The following HTR1F variants were observed in gnomAD, a reference collection of about 807,000 sequenced individuals.
The protein encoded by HTR1F is 5-hydroxytryptamine (serotonin) receptor 1F, G protein-coupled.
A neutral mutation model predicts 24.0 loss-of-function variants in HTR1F; 17 were observed. The ratio of observed to expected loss-of-function variants is 0.71; its 90% confidence interval spans 0.48 to 1.06. The LOEUF (loss-of-function observed/expected upper bound fraction) is 1.06. Among genes scored for constraint, HTR1F ranks in the 50% least tolerant of loss-of-function variants. The pLI is 0.00. For missense variants in HTR1F, 391 were observed against 427.8 expected, an observed-to-expected ratio of 0.91 and a Z score of 0.76; for synonymous variants, 186 against 156.8, an observed-to-expected ratio of 1.19 and a Z score of -1.39.
intron 2 of HTR1F, among the ~76,000 whole-genome samples, chr3:87,984,767 AT>A (rs1705626911): frequency 6.6e-6 from 1 of 152,164 alleles, no homozygotes; most frequent in African/African-American, 2.4e-5. Flanking sequence ...CAAAAGAGGT[AT>A]TTTTATAACT....
intron 1 of HTR1F, among the ~76,000 whole-genome samples, chr3:87,810,748 A>C (rs1050892081): frequency 6.6e-6 from 1 of 152,196 alleles, no homozygotes; most frequent in Non-Finnish European, 1.5e-5. Context: ...AATTATTTCA[A>C]TATGAACTCA....
At chr3:87,796,450 A>G (rs1312599504) in intron 1 of HTR1F, among the ~76,000 whole-genome samples, 1 of 152,182 alleles carries the variant, frequency 6.6e-6, no homozygotes, top group East Asian at 1.9e-4. Context: ...GTGAGTCATC[A>G]TTATATAAAT....
At chr3:87,889,343 A>T (rs1012846011) in intron 2 of HTR1F, among the ~76,000 whole-genome samples, 10 of 152,162 alleles carry the variant, frequency 6.6e-5, no homozygotes, top group Admixed American at 6.6e-4. Context: ...TGAATGACTA[A>T]ATTTGCAATA....
At position 87,992,977 on chromosome 3, in the gene HTR1F, C is replaced by T. The variant is rs1309176613; in HGVS notation, c.*1127C>T. ...TATATTTTTGTAATTAGTCACTCTA[C>T]TAGTTCAGTGAGCCAAAGCAATTCC... On this transcript the variant is annotated 3_prime_UTR_variant, in exon 3 of 3. Coordinates refer to ENST00000319595, the MANE Select transcript of HTR1F (RefSeq NM_001322209.2). 6.0e-6 allele frequency: 1 copy of T among 166,766 alleles called. No homozygotes were observed. The highest frequency in any genetic ancestry group is 2.4e-5 in the African/African-American group (1 of 41,394). 10.3% of individuals were successfully genotyped at this position (166,766 alleles called of 1,614,324 possible).
chr3:87,956,920 G>A (rs1425275443), intron 2 of HTR1F, among the ~76,000 whole-genome samples: 3 of 151,228 alleles, frequency 2.0e-5, no homozygotes, highest in Non-Finnish European at 4.5e-5. Context: ...AATGGAGACA[G>A]TGTTATCTTT....
At chr3:87,806,686 A>G (rs759191476) in intron 1 of HTR1F, among the ~76,000 whole-genome samples, 15 of 151,856 alleles carry the variant, frequency 9.9e-5, no homozygotes, top group Non-Finnish European at 1.5e-4. Context: ...TCTGTTGTCT[A>G]TGCTTTTGAA....
intron 2 of HTR1F, among the ~76,000 whole-genome samples, chr3:87,983,709 T>C (rs753562696): frequency 9.9e-5 from 15 of 152,158 alleles, no homozygotes; most frequent in Non-Finnish European, 2.1e-4. Context: ...CCTGATCCAA[T>C]CCTGAATAAA....
intron 2 of HTR1F, among the ~76,000 whole-genome samples, chr3:87,902,867 C>A (rs1195614409): frequency 2.7e-5 from 4 of 150,788 alleles, no homozygotes; most frequent in Non-Finnish European, 5.9e-5. Context: ...TTTGTTCTTG[C>A]AACAGTTTAC....
intron 2 of HTR1F, among the ~76,000 whole-genome samples, chr3:87,948,233 C>T (rs1161765124): frequency 6.6e-6 from 1 of 152,058 alleles, no homozygotes. Context: ...TTCAGAGCAT[C>T]CTAATTAATT....
intron 2 of HTR1F, among the ~76,000 whole-genome samples, chr3:87,929,344 A>T (rs1448444699): frequency 1.3e-5 from 2 of 152,212 alleles, no homozygotes; most frequent in Admixed American, 6.5e-5. Flanking sequence ...ATTGTATACA[A>T]GCACCATACA....
chr3:87,927,354 G>T lies in HTR1F; in HGVS notation c.-42-63354G>T, dbSNP rs573872226. 2.7e-5 allele frequency among the ~76,000 whole-genome samples: 4 copies of T among 145,720 alleles called. No homozygotes were observed. The South Asian group carries it at 8.4e-4, about 31-fold the overall frequency. On this transcript the variant is annotated intron_variant, in intron 2 of 2. Coordinates refer to ENST00000319595, the MANE Select transcript of HTR1F (RefSeq NM_001322209.2). Reference sequence around the variant, plus strand: ...TACAGAAAAATATTTATTCGTCTTAGTTTTAAATGTAAAGATAACTTCTTA... The same window carrying T: ...TACAGAAAAATATTTATTCGTCTTATTTTTAAATGTAAAGATAACTTCTTA...
At chr3:87,968,443 C>T (rs990022098) in intron 2 of HTR1F, among the ~76,000 whole-genome samples, 1 of 152,110 alleles carries the variant, frequency 6.6e-6, no homozygotes, top group Non-Finnish European at 1.5e-5. Flanking sequence ...AAAACCCTGA[C>T]CTCAGGTGAT....
chr3:87,896,923 G>T (rs868075216), intron 2 of HTR1F, among the ~76,000 whole-genome samples: 44 of 152,124 alleles, frequency 2.9e-4, no homozygotes, highest in African/African-American at 1.1e-3. Flanking sequence ...GTCGGTGAGA[G>T]TGTGGAGAAA....
intron 2 of HTR1F, among the ~76,000 whole-genome samples, chr3:87,850,571 A>C (rs979521670): frequency 3.3e-5 from 5 of 151,616 alleles, no homozygotes; most frequent in Non-Finnish European, 7.4e-5. Flanking sequence ...ACAAACCTGC[A>C]CGTTGTGCAC....
At chr3:87,812,052 T>C (rs951241080) in intron 1 of HTR1F, among the ~76,000 whole-genome samples, 1 of 152,210 alleles carries the variant, frequency 6.6e-6, no homozygotes, top group Non-Finnish European at 1.5e-5. Flanking sequence ...TCCCTAGCCA[T>C]GCAGAACTGT....
chr3:87,978,602 T>C (rs1705451369), intron 2 of HTR1F, among the ~76,000 whole-genome samples: 1 of 151,920 alleles, frequency 6.6e-6, no homozygotes, highest in Non-Finnish European at 1.5e-5. Flanking sequence ...AGGCAGGTCA[T>C]CCTGACATTT....
intron 2 of HTR1F, among the ~76,000 whole-genome samples, chr3:87,945,832 G>A (rs116127967): frequency 6.0e-4 from 92 of 152,078 alleles, no homozygotes; most frequent in Middle Eastern, 6.8e-3. Flanking sequence ...GGCTTTAGAG[G>A]TCCCTTCTTG....
At chr3:87,802,787 T>A (rs1300758206) in intron 1 of HTR1F, among the ~76,000 whole-genome samples, 3 of 152,138 alleles carry the variant, frequency 2.0e-5, no homozygotes, top group South Asian at 2.1e-4. Flanking sequence ...TAAAAGTAAA[T>A]AGGTTAGTTG....
chr3:87,919,068 C>A (rs1356636521), intron 2 of HTR1F, among the ~76,000 whole-genome samples: 6 of 151,840 alleles, frequency 4.0e-5, no homozygotes, highest in African/African-American at 1.4e-4. Flanking sequence ...CAAATAAACT[C>A]AAATGCTTAC....
Sources: gnomAD v4.1 joint callset for allele counts (sites outside exome capture counted in the v4.1 genomes callset) on GRCh38, gnomAD v4.1.1 for gene constraint, MANE v1.5 for transcripts, NCBI Gene and HGNC (gene_info 2026-07-23, HGNC 2026-07-21) for gene names.